MAGEB1: variants seen among roughly 807,000 people sequenced by gnomAD.
MAGEB1 encodes the protein MAGE family member B1, also known as melanoma-associated antigen B1.
For synonymous variants in MAGEB1, 99 were observed against 105.7 expected (o/e 0.94, Z 0.39); for missense variants, 290 against 286.7 (o/e 1.01, Z -0.08).
At position 30,251,488 on chromosome X, in the gene MAGEB1, T is replaced by C. The variant is rs377504960; in HGVS notation, c.995T>C (p.Phe332Ser). ...RARRRTTATT[F>S]RARSRAPFSR... is the part of the protein sequence containing the mutation. ...AGGCGTCGCACTACTGCCACGACTT[T>C]TAGAGCGCGTTCTAGAGCCCCATTC... is the stretch of plus-strand genomic sequence containing the variant. The change falls in exon 2 of 2, where the codon TTT (phenylalanine) becomes TCT (serine). Residue 332 changes from phenylalanine to serine, a missense_variant. Coordinates refer to ENST00000397548, the MANE Select transcript of MAGEB1 (RefSeq NM_177404.3). 1 of 1,211,525 alleles carries C rather than the reference T, an allele frequency of 8.3e-7. No individual in the cohort carries two copies. The highest frequency in any genetic ancestry group is 1.7e-5 in the African/African-American group (1 of 57,769).
rs7062640 is a variant in MAGEB1, at chrX:30,251,292, C to T, written c.799C>T (p.Arg267Cys). The T allele has an allele frequency of 1.4e-3, 1,654 of 1,210,249 alleles. 11 individuals carry two copies. The African/African-American group carries it at 0.026, about 19-fold the overall frequency. ...GCAGGTGCCCAACAGTGATCCCCCACGCTATCAATTCCTATGGGGTCCGAG... is the reference window on the plus strand; with the variant it reads ...GCAGGTGCCCAACAGTGATCCCCCATGCTATCAATTCCTATGGGGTCCGAG... ...YEQVPNSDPP[R>C]YQFLWGPRAY... The change falls in exon 2 of 2, where the codon CGC (arginine) becomes TGC (cysteine). Residue 267 changes from arginine to cysteine, a missense_variant. Physicochemically the swap from Arg to Cys is radical, Grantham distance 180. Coordinates refer to ENST00000397548, the MANE Select transcript of MAGEB1 (RefSeq NM_177404.3).
At position 30,251,500 on chromosome X, in the gene MAGEB1, C is replaced by G; in HGVS notation, c.1007C>G (p.Ser336Cys). Reference protein sequence around the residue: ...RTTATTFRARSRAPFSRSSHP... With the variant: ...RTTATTFRARCRAPFSRSSHP... Reference sequence around the variant, plus strand: ...ACTGCCACGACTTTTAGAGCGCGTTCTAGAGCCCCATTCAGCAGGTCCTCC... The same window carrying G: ...ACTGCCACGACTTTTAGAGCGCGTTGTAGAGCCCCATTCAGCAGGTCCTCC... Residue 336 changes from serine to cysteine, a missense_variant, in exon 2 of 2, where the codon TCT (serine) becomes TGT (cysteine). Ser to Cys is a moderately radical substitution (Grantham distance 112, BLOSUM62 -1). Transcript: ENST00000397548. 2 of 1,210,520 alleles carry G rather than the reference C, an allele frequency of 1.7e-6. No individual in the cohort carries two copies. The highest frequency in any genetic ancestry group is 2.2e-6 in the Non-Finnish European group (2 of 894,779).
upstream of MAGEB1, among the ~76,000 whole-genome samples, chrX:30,244,411 AAAAC>A (rs1172290711): frequency 8.9e-5 from 10 of 111,930 alleles, no homozygotes; most frequent in African/African-American, 2.9e-4. Context: ...AAGAAAACAA[AAAAC>A]AAACAAACAA....
upstream of MAGEB1, among the ~76,000 whole-genome samples, chrX:30,245,693 C>T (rs1436872695): frequency 8.9e-6 from 1 of 112,102 alleles, no homozygotes; most frequent in African/African-American, 3.2e-5. Context: ...AAGAAGAATA[C>T]CAAAATAATT....
intron 1 of MAGEB1, among the ~76,000 whole-genome samples, chrX:30,247,760 C>T (rs761182802): frequency 9.4e-4 from 103 of 110,145 alleles, no homozygotes; most frequent in Non-Finnish European, 1.6e-3. Flanking sequence ...CTGGCTAACA[C>T]GGTGAAACCC....
upstream of MAGEB1, chrX:30,246,236 A>G (rs1601966410): frequency 8.9e-6 from 1 of 112,263 alleles, no homozygotes; most frequent in Non-Finnish European, 1.9e-5. Flanking sequence ...GGAAGGACCC[A>G]GCCAAAACTG....
At position 30,250,871 on chromosome X, in the gene MAGEB1, A is replaced by G. The variant is rs941934154; in HGVS notation, c.378A>G (p.Arg126=). The stretch of plus-strand genomic sequence containing the variant: ...TCATTCTACGTAAGTATAAAATGAG[A>G]GAGCCCATTATGAAGGCAGATATGC... ...MHFILRKYKM[R]EPIMKADMLK... is the part of the protein sequence containing the mutation. Residue 126 remains arginine (R), a synonymous_variant, in exon 2 of 2, where the codon AGA becomes AGG. Coordinates refer to ENST00000397548, the MANE Select transcript of MAGEB1 (RefSeq NM_177404.3). 8 of 1,212,086 alleles carry G rather than the reference A, an allele frequency of 6.6e-6. No homozygotes were observed. Among genetic ancestry groups the G allele is most frequent in the Non-Finnish European group, 8.9e-6 (8 of 895,351 alleles).
chrX:30,247,402 G>A (rs1235428617), intron 1 of MAGEB1, 146 bp downstream of exon 1: 1 of 112,655 alleles, frequency 8.9e-6, no homozygotes, highest in Non-Finnish European at 1.9e-5. Flanking sequence ...GAGGACCCGA[G>A]CGAGCTTAAG....
At position 30,251,386 on chromosome X, in the gene MAGEB1, G is replaced by A. The variant is rs757452419; in HGVS notation, c.893G>A (p.Arg298His). The A allele has an allele frequency of 2.3e-5, 28 of 1,209,625 alleles. No individual in the cohort carries two copies. Among genetic ancestry groups the A allele is most frequent in the Non-Finnish European group, 2.9e-5 (26 of 895,112 alleles). The change falls in exon 2 of 2, where the codon CGT (arginine) becomes CAT (histidine). Residue 298 changes from arginine (R) to histidine (H), a missense_variant. Arg to His is a conservative substitution (Grantham distance 29). Transcript: ENST00000397548. Reference sequence around the variant, plus strand: ...GCCAAGATGAATGGTGCCACTCCCCGTGACTTCCCATCCCATTATGAAGAG... The same window carrying A: ...GCCAAGATGAATGGTGCCACTCCCCATGACTTCCCATCCCATTATGAAGAG... Reference protein sequence around the residue: ...FLAKMNGATPRDFPSHYEEAL... With the variant: ...FLAKMNGATPHDFPSHYEEAL...
At chrX:30,247,946 GAAAAAAAAA>G (rs57368527) in intron 1 of MAGEB1, among the ~76,000 whole-genome samples, 1 of 45,936 alleles carries the variant, frequency 2.2e-5, no homozygotes, top group Non-Finnish European at 3.4e-5. Context: ...TCAGTCTCAA[GAAAAAAAAA>G]AAAAAAAAAA....
At chrX:30,245,217 G>C (rs1037173024), upstream of MAGEB1, among the ~76,000 whole-genome samples, 1 of 112,061 alleles carries the variant, frequency 8.9e-6, no homozygotes. Flanking sequence ...TGTAAGCTGC[G>C]TTTTGGGCTG....
In MAGEB1 at chrX:30,250,610, C is replaced by A; in HGVS notation, c.117C>A (p.Pro39=). Residue 39 remains proline, a synonymous_variant, in exon 2 of 2, where the codon CCC becomes CCA. Coordinates refer to ENST00000397548, the MANE Select transcript of MAGEB1 (RefSeq NM_177404.3). ...HATAAEKEEC[P]SSSPVLGDTP... is the part of the protein sequence containing the mutation. ...CTGCAGCAGAGAAAGAGGAGTGCCC[C>A]TCCTCCTCTCCTGTTTTAGGGGATA... The A allele has an allele frequency of 8.3e-7, 1 of 1,208,092 alleles. No homozygotes were observed. The highest frequency in any genetic ancestry group is 3.0e-5 in the East Asian group (1 of 33,607).
Position 30,251,437 on chromosome X carries a change from C to G in MAGEB1, c.944C>G (p.Ala315Gly), listed in dbSNP as rs1484647625. 10 of 1,211,426 alleles carry G rather than the reference C, an allele frequency of 8.3e-6. No individual in the cohort carries two copies. Among genetic ancestry groups the G allele is most frequent in the Non-Finnish European group, 1.1e-5 (10 of 895,285 alleles). The change falls in exon 2 of 2, where the codon GCC becomes GGC. Residue 315 changes from alanine to glycine, a missense_variant. Transcript: ENST00000397548. ...GCTTTGAGAGATGAGGAAGAGAGAG[C>G]CCAAGTCCGATCCAGTGTTAGAGCC... ...EEALRDEEER[A>G]QVRSSVRARR... is the part of the protein sequence containing the mutation.
intron 1 of MAGEB1, among the ~76,000 whole-genome samples, chrX:30,249,307 C>T (rs1329209527): frequency 1.8e-5 from 2 of 111,323 alleles, no homozygotes; most frequent in Non-Finnish European, 3.8e-5. Flanking sequence ...ATGTAAGGGG[C>T]CTCAGGTCAG....
rs1925545573 is a variant in MAGEB1 at position 30,251,850 on chromosome X, G to A, written c.*313G>A. 4.6e-6 allele frequency: 1 copy of A among 215,525 alleles called. No homozygotes were observed. Among genetic ancestry groups the A allele is most frequent in the East Asian group, 8.7e-5 (1 of 11,477 alleles). The allele number at this position is 215,525 out of a possible 1,213,427, so 17.8% of individuals were successfully genotyped here. ...GAAGAAAGCATAGCTTTAGAATAGA[G>A]ATTTTCTCAGAAATGTGTGAAAGAA... On this transcript the variant is annotated 3_prime_UTR_variant, in exon 2 of 2. Coordinates refer to ENST00000397548, the MANE Select transcript of MAGEB1 (RefSeq NM_177404.3).
Position 30,251,918 on chromosome X carries a change from A to G in MAGEB1, c.*381A>G. 1 of 149,047 alleles carries G rather than the reference A, an allele frequency of 6.7e-6. No individual in the cohort carries two copies. Among genetic ancestry groups the G allele is most frequent in the Non-Finnish European group, 1.4e-5 (1 of 69,708 alleles). The allele number at this position is 149,047 out of a possible 1,213,427, so 12.3% of individuals were successfully genotyped here. On this transcript the variant is annotated 3_prime_UTR_variant, in exon 2 of 2. Coordinates refer to ENST00000397548, the MANE Select transcript of MAGEB1 (RefSeq NM_177404.3). ...GGAGTCTTAAAATAGAGGAAGAGTAAGCAAAGCATGTCAAGTTTTTGTTTT... is the reference window on the plus strand; with the variant it reads ...GGAGTCTTAAAATAGAGGAAGAGTAGGCAAAGCATGTCAAGTTTTTGTTTT...
In MAGEB1 at chrX:30,247,946, G is replaced by GAAAA. The variant is rs57368527; in HGVS notation, c.-61+710_-61+713dup. The stretch of plus-strand genomic sequence containing the variant: ...GTGACAGAGCGAGACTCAGTCTCAA[G>GAAAA]AAAAAAAAAAAAAAAAAAAAAAAGT... On this transcript the variant is annotated intron_variant, in intron 1 of 1. Coordinates refer to ENST00000397548, the MANE Select transcript of MAGEB1 (RefSeq NM_177404.3). 1.7e-4 allele frequency among the ~76,000 whole-genome samples: 8 copies of GAAAA among 45,932 alleles called. 1 individual carries two copies. Among genetic ancestry groups the GAAAA allele is most frequent in the Admixed American group, 6.8e-4 (2 of 2,947 alleles). 39.9% of individuals were successfully genotyped at this position (45,932 alleles called of 115,157 possible).
At chrX:30,245,161 A>T (rs1240232091), upstream of MAGEB1, among the ~76,000 whole-genome samples, 1 of 112,051 alleles carries the variant, frequency 8.9e-6, no homozygotes, top group Non-Finnish European at 1.9e-5. Flanking sequence ...AGACAACTCC[A>T]CACTCAAAAT....
chrX:30,251,844 A>G lies in MAGEB1; in HGVS notation c.*307A>G, dbSNP rs1369539220. On this transcript the variant is annotated 3_prime_UTR_variant, in exon 2 of 2. Transcript: ENST00000397548. The stretch of plus-strand genomic sequence containing the variant: ...GAAGAAGAAGAAAGCATAGCTTTAG[A>G]ATAGAGATTTTCTCAGAAATGTGTG... 1.3e-5 allele frequency: 3 copies of G among 227,381 alleles called. No homozygotes were observed. Among genetic ancestry groups the G allele is most frequent in the Non-Finnish European group, 2.5e-5 (3 of 120,337 alleles). 18.7% of individuals were successfully genotyped at this position (227,381 alleles called of 1,213,427 possible).
Sources: gnomAD v4.1 joint callset for allele counts (sites outside exome capture counted in the v4.1 genomes callset) on GRCh38, gnomAD v4.1.1 for gene constraint, MANE v1.5 for transcripts, NCBI Gene and HGNC (gene_info 2026-07-23, HGNC 2026-07-21) for gene names.